Variants in AMPH observed in about 807,000 individuals in gnomAD.
The protein encoded by AMPH is amphiphysin, also known as amphiphysin (Stiff-Mann syndrome with breast cancer 128kD autoantigen).
A neutral mutation model predicts 99.1 loss-of-function variants in AMPH; 49 were observed. The ratio of observed to expected loss-of-function variants is 0.49; its 90% CI spans 0.39 to 0.63. The LOEUF (loss-of-function observed/expected upper bound fraction) is 0.63, where lower values mean the gene tolerates loss of function less well. AMPH is among the 20% of genes least tolerant of loss of function. The pLI is 0.00. For missense variants in AMPH, 759 were observed against 863.4 expected, an observed-to-expected ratio of 0.88 and a Z score of 1.52; for synonymous variants, 314 against 317.3, an observed-to-expected ratio of 0.99 and a Z score of 0.11.
chr7:38,624,573 G>C (rs1476854184), intron 1 of AMPH, among the ~76,000 whole-genome samples: 1 of 150,152 alleles, frequency 6.7e-6, no homozygotes, highest in Non-Finnish European at 1.5e-5. Context: ...ATGTTTAAAG[G>C]CAGTGCTTCA....
intron 1 of AMPH, among the ~76,000 whole-genome samples, chr7:38,609,166 G>A (rs752004102): frequency 3.9e-5 from 6 of 152,038 alleles, no homozygotes; most frequent in South Asian, 2.1e-4. Flanking sequence ...GGCTCGACTC[G>A]GATAAATAGG....
At chr7:38,530,128 T>C (rs1277988604) in intron 2 of AMPH, among the ~76,000 whole-genome samples, 1 of 152,212 alleles carries the variant, frequency 6.6e-6, no homozygotes, top group Non-Finnish European at 1.5e-5. Flanking sequence ...TAGTTCAGCT[T>C]CAAGTTTAGC....
At chr7:38,628,177 C>G (rs1012925085) in intron 1 of AMPH, among the ~76,000 whole-genome samples, 1 of 152,142 alleles carries the variant, frequency 6.6e-6, no homozygotes, top group Admixed American at 6.5e-5. Context: ...AACAAAAACA[C>G]GAATGCACAA....
chr7:38,512,147 T>C (rs1444046701), intron 2 of AMPH, among the ~76,000 whole-genome samples: 1 of 152,222 alleles, frequency 6.6e-6, no homozygotes, highest in East Asian at 1.9e-4. Flanking sequence ...AAAATATGTC[T>C]GGTTCCAGGT....
chr7:38,599,616 C>A (rs922320123), intron 1 of AMPH, among the ~76,000 whole-genome samples: 1 of 151,972 alleles, frequency 6.6e-6, no homozygotes, highest in Non-Finnish European at 1.5e-5. Flanking sequence ...TACTGCATTG[C>A]GGGGTTGGCA....
At chr7:38,500,297 G>T (rs1446607440) in intron 3 of AMPH, among the ~76,000 whole-genome samples, 1 of 152,150 alleles carries the variant, frequency 6.6e-6, no homozygotes, top group Non-Finnish European at 1.5e-5. Context: ...ATCAGCTGTG[G>T]ACAAAGTAAT....
intron 4 of AMPH, among the ~76,000 whole-genome samples, chr7:38,494,047 C>T (rs1400623285): frequency 5.9e-5 from 9 of 152,154 alleles, no homozygotes; most frequent in Non-Finnish European, 1.2e-4. Flanking sequence ...ACCTCCACCT[C>T]CTGGGTCCAA....
At chr7:38,609,201 G>C (rs1276652023) in intron 1 of AMPH, among the ~76,000 whole-genome samples, 1 of 152,156 alleles carries the variant, frequency 6.6e-6, no homozygotes, top group Non-Finnish European at 1.5e-5. Flanking sequence ...CCAGCTAATA[G>C]TATCAAAGTC....
intron 1 of AMPH, among the ~76,000 whole-genome samples, chr7:38,622,707 G>A (rs17171423): frequency 0.019 from 2,853 of 152,242 alleles, 105 homozygotes; most frequent in African/African-American, 0.065. Flanking sequence ...TTTGGAACAC[G>A]GGCACTATGA....
At chr7:38,620,486 A>G (rs1215135700) in intron 1 of AMPH, among the ~76,000 whole-genome samples, 1 of 150,982 alleles carries the variant, frequency 6.6e-6, no homozygotes, top group Non-Finnish European at 1.5e-5. Flanking sequence ...GTGCTGCCAT[A>G]AGTTGGGAGA....
chr7:38,550,113 C>G (rs1267300138), intron 1 of AMPH, among the ~76,000 whole-genome samples: 2 of 152,184 alleles, frequency 1.3e-5, no homozygotes, highest in Non-Finnish European at 2.9e-5. Flanking sequence ...ATAAGTTAGT[C>G]ATCTTGATGA....
intron 3 of AMPH, among the ~76,000 whole-genome samples, chr7:38,502,710 A>G (rs1254312667): frequency 6.6e-6 from 1 of 152,072 alleles, no homozygotes; most frequent in East Asian, 1.9e-4. Context: ...CCCACTCTGT[A>G]TGTAAGTTTC....
chr7:38,606,927 C>T (rs1793456417), intron 1 of AMPH, among the ~76,000 whole-genome samples: 1 of 152,154 alleles, frequency 6.6e-6, no homozygotes, highest in African/African-American at 2.4e-5. Flanking sequence ...TGAATTTTCA[C>T]ATTTTATTTA....
At chr7:38,540,343 T>C (rs554687251) in intron 1 of AMPH, among the ~76,000 whole-genome samples, 7 of 152,268 alleles carry the variant, frequency 4.6e-5, no homozygotes, top group Admixed American at 2.6e-4. Context: ...CCACTTCCTT[T>C]CAGTGAGATT....
At chr7:38,504,330 G>T (rs1471703986) in intron 2 of AMPH, among the ~76,000 whole-genome samples, 4 of 152,172 alleles carry the variant, frequency 2.6e-5, no homozygotes, top group Admixed American at 6.5e-5. Flanking sequence ...TTGAAATAGA[G>T]AAACTGTTAA....
intron 1 of AMPH, among the ~76,000 whole-genome samples, chr7:38,569,531 GA>G (rs1021848906): frequency 1.6e-4 from 24 of 147,792 alleles, no homozygotes; most frequent in Admixed American, 8.1e-4. Flanking sequence ...AACCGAAACA[GA>G]AAAAAAAAGG....
At chr7:38,627,789 T>G (rs1794311114) in intron 1 of AMPH, among the ~76,000 whole-genome samples, 1 of 152,102 alleles carries the variant, frequency 6.6e-6, no homozygotes, top group Non-Finnish European at 1.5e-5. Context: ...TAGCTTTTAT[T>G]CATTAAAAGC....
chr7:38,458,059 A>C (rs576828341), intron 11 of AMPH, among the ~76,000 whole-genome samples: 1 of 152,242 alleles, frequency 6.6e-6, no homozygotes, highest in African/African-American at 2.4e-5. Context: ...TGGTCTCACA[A>C]AAAGATTGCG....
At chr7:38,410,564 G>C (rs1785184781) in intron 17 of AMPH, among the ~76,000 whole-genome samples, 1 of 152,210 alleles carries the variant, frequency 6.6e-6, no homozygotes, top group South Asian at 2.1e-4. Context: ...AACACAGGGT[G>C]CTCTTGTTAC....
Sources: gnomAD v4.1 joint callset for allele counts (sites outside exome capture counted in the v4.1 genomes callset) on GRCh38, gnomAD v4.1.1 for gene constraint, MANE v1.5 for transcripts, NCBI Gene and HGNC (gene_info 2026-07-23, HGNC 2026-07-21) for gene names.